Variants in WNT5A observed in about 807,000 individuals in gnomAD.
WNT5A encodes protein Wnt-5a.
Under a neutral mutation model 42.1 loss-of-function variants are expected in WNT5A, and 9 were observed. The ratio of observed to expected loss-of-function variants is 0.21; its 90% CI spans 0.13 to 0.37. The LOEUF (loss-of-function observed/expected upper bound fraction) is 0.37. WNT5A is among the 10% of genes least tolerant of loss of function. The pLI is 1.00. For missense variants in WNT5A, 426 were observed against 534.0 expected (o/e 0.80, Z 1.99); for synonymous variants, 210 against 210.0 (o/e 1.00, Z 0.00).
the WNT5A span, among the ~76,000 whole-genome samples, chr3:55,498,357 G>T: frequency 6.6e-6 from 1 of 152,172 alleles, no homozygotes; most frequent in Non-Finnish European, 1.5e-5. Flanking sequence ...AGTGGGGATG[G>T]TGAACTAAAT....
the WNT5A span, among the ~76,000 whole-genome samples, chr3:55,501,949 G>A: frequency 2.0e-5 from 3 of 152,164 alleles, no homozygotes; most frequent in African/African-American, 7.2e-5. Context: ...GGCAAGGTGA[G>A]GTTTTGGTGA....
chr3:55,468,316 C>T lies in WNT5A; in HGVS notation c.*1776G>A, dbSNP rs542514764. The stretch of plus-strand genomic sequence containing the variant: ...TATCTCTTAACGTCCATGTCTATAA[C>T]GAACAAGTAATGCCCTCTCCACAAA... On this transcript the variant is annotated 3_prime_UTR_variant, in exon 5 of 5. Transcript: ENST00000264634. 4 of 152,178 alleles carry T rather than the reference C, an allele frequency of 2.6e-5. No individual in the cohort carries two copies. The highest frequency in any genetic ancestry group is 3.9e-4 in the East Asian group (2 of 5,174). 9.4% of individuals were successfully genotyped at this position (152,178 alleles called of 1,614,324 possible). A position where few individuals can be genotyped will look rare whatever the true frequency, so the allele number is the denominator to read the frequency against.
At chr3:55,485,229 G>C (rs1345199339) in intron 1 of WNT5A, among the ~76,000 whole-genome samples, 1 of 130,178 alleles carries the variant, frequency 7.7e-6, no homozygotes, top group African/African-American at 2.8e-5. Context: ...CCAAGGAACC[G>C]AGGCTCGCAG....
chr3:55,486,670 G>C (rs1339048600), intron 1 of WNT5A, among the ~76,000 whole-genome samples: 1 of 152,242 alleles, frequency 6.6e-6, no homozygotes, highest in African/African-American at 2.4e-5. Flanking sequence ...GATGTTCTCA[G>C]AGCAAAAGGA....
chr3:55,479,231 T>A, intron 3 of WNT5A, 83 bp downstream of exon 3: 1 of 1,402,112 alleles, frequency 7.1e-7, no homozygotes, highest in Non-Finnish European at 9.3e-7. Flanking sequence ...TCATGCTTTC[T>A]ATCAAGCATG....
In WNT5A at chr3:55,470,857, G is replaced by C. The variant is rs558478125; in HGVS notation, c.685-307C>G. Reference sequence around the variant, plus strand: ...AGAGAAAGAGCAGCAGCAACATGTGGACACTCATCCCAGAGGTTGTTCACA... The same window carrying C: ...AGAGAAAGAGCAGCAGCAACATGTGCACACTCATCCCAGAGGTTGTTCACA... On this transcript the variant is annotated intron_variant, in intron 4 of 4. Coordinates refer to ENST00000264634, the MANE Select transcript of WNT5A (RefSeq NM_003392.7). 3.3e-5 allele frequency among the ~76,000 whole-genome samples: 5 copies of C among 152,222 alleles called. No individual in the cohort carries two copies. The East Asian group carries it at 9.7e-4, about 29-fold the overall frequency.
chr3:55,481,054 G>T, intron 1 of WNT5A, 136 bp from the exon 2 acceptor site: 5 of 988,322 alleles, frequency 5.1e-6, no homozygotes, highest in East Asian at 3.1e-5. Context: ...TGAGTTTTTT[G>T]ATGGCAAGAT....
chr3:55,470,615 C>A, intron 4 of WNT5A, 65 bp from the exon 5 acceptor site: 1 of 1,392,636 alleles, frequency 7.2e-7, no homozygotes, highest in East Asian at 2.5e-5. Flanking sequence ...GCTATAGGAA[C>A]AAAGTTCTCC....
rs775072555 is a variant in WNT5A, at chr3:55,470,107, C to G, written c.1128G>C (p.Gln376His). ...GTGGCACCCACTACTTGCACACAAA[C>G]TGGTCCACGATCTCCGTGCACTTCT... is the stretch of plus-strand genomic sequence containing the variant. ...KCKKCTEIVD[Q>H]FVCK Residue 376 changes from glutamine (Q) to histidine (H), a missense_variant, in exon 5 of 5, where the codon CAG (glutamine) becomes CAC (histidine). By Grantham distance (24) the Gln-to-His change is conservative (BLOSUM62 0). Transcript: ENST00000264634. The G allele has an allele frequency of 9.3e-6, 15 of 1,614,004 alleles. No individual in the cohort carries two copies. In the South Asian group the frequency reaches 1.5e-4, roughly 17 times the overall value.
the WNT5A span, chr3:55,501,813 C>T: frequency 2.0e-5 from 3 of 152,210 alleles, no homozygotes; most frequent in Non-Finnish European, 4.4e-5. Flanking sequence ...AATGACCCCT[C>T]TTGTCCAATT....
At chr3:55,478,949 C>G in intron 3 of WNT5A, 1 of 159,520 alleles carries the variant, frequency 6.3e-6, no homozygotes, top group Non-Finnish European at 1.4e-5. Context: ...AAAAAACTAA[C>G]AGGCAAGAGA....
rs2106945475 is a variant in WNT5A, at chr3:55,479,373, C to T, written c.332G>A (p.Arg111Gln). The change falls in exon 3 of 5, where the codon CGA becomes CAA. Residue 111 changes from arginine to glutamine, a missense_variant. Transcript: ENST00000264634. ...ATCCACAGTGCTGCAGTTCCACCTT[C>T]GATGTCGGAATTGATACTGGCATTC... is the stretch of plus-strand genomic sequence containing the variant. The part of the protein sequence containing the change: ...IKECQYQFRH[R>Q]RWNCSTVDNT... 1.2e-6 allele frequency: 2 copies of T among 1,613,676 alleles called. No individual in the cohort carries two copies. Among genetic ancestry groups the T allele is most frequent in the Non-Finnish European group, 8.5e-7 (1 of 1,179,662 alleles).
Position 55,474,498 on chromosome 3 carries a change from G to A in WNT5A, c.523C>T (p.Arg175Trp). The A allele has an allele frequency of 1.3e-6, 2 of 1,590,664 alleles. No homozygotes were observed. The highest frequency in any genetic ancestry group is 2.3e-5 in the East Asian group (1 of 43,470). Residue 175 changes from arginine (R) to tryptophan (W), a missense_variant, in exon 4 of 5, where the codon CGG becomes TGG. Arg to Trp is a moderately radical substitution (Grantham distance 101, BLOSUM62 -3). Transcript: ENST00000264634. ...CCGCAGCCGCCCCAGAGCCAGTCCCGCGGCAGGTCCTTGGGGCGCGCGGCG... is the reference window on the plus strand; with the variant it reads ...CCGCAGCCGCCCCAGAGCCAGTCCCACGGCAGGTCCTTGGGGCGCGCGGCG... ...SRAARPKDLP[R>W]DWLWGGCGDN...
At chr3:55,500,048 C>T in the WNT5A span, among the ~76,000 whole-genome samples, 1 of 151,806 alleles carries the variant, frequency 6.6e-6, no homozygotes, top group South Asian at 2.1e-4. Context: ...CAATTTATCC[C>T]ACAGTAAATA....
chr3:55,475,865 G>C (rs1241689192), intron 3 of WNT5A, among the ~76,000 whole-genome samples: 2 of 151,998 alleles, frequency 1.3e-5, no homozygotes, highest in Admixed American at 1.3e-4. Flanking sequence ...ACAAGAGCTA[G>C]TTAATAAAAG....
chr3:55,496,824 T>G, the WNT5A span, among the ~76,000 whole-genome samples: 1 of 152,232 alleles, frequency 6.6e-6, no homozygotes, highest in Admixed American at 6.5e-5. Flanking sequence ...AAGCAAATCA[T>G]AAATTTAGAG....
intron 4 of WNT5A, among the ~76,000 whole-genome samples, chr3:55,473,447 C>T (rs998340844): frequency 6.6e-6 from 1 of 152,144 alleles, no homozygotes; most frequent in Admixed American, 6.5e-5. Flanking sequence ...CCATAAAGTG[C>T]CATGTGTTTA....
rs1327664386 is a variant in WNT5A at position 55,468,994 on chromosome 3, C to A, written c.*1098G>T. The A allele has an allele frequency of 6.6e-6, 1 of 152,170 alleles. No individual in the cohort carries two copies. Among genetic ancestry groups the A allele is most frequent in the African/African-American group, 2.4e-5 (1 of 41,436 alleles). 9.4% of individuals were successfully genotyped at this position (152,170 alleles called of 1,614,324 possible). ...TTTCCTGTCCTACAACCAAAGGGGA[C>A]CCAGTGGAGCTGCCGTTTGGAAACG... is the stretch of plus-strand genomic sequence containing the variant. On this transcript the variant is annotated 3_prime_UTR_variant, in exon 5 of 5. Transcript: ENST00000264634.
intron 3 of WNT5A, among the ~76,000 whole-genome samples, chr3:55,475,697 T>C (rs1301128526): frequency 6.6e-6 from 1 of 152,066 alleles, no homozygotes; most frequent in Non-Finnish European, 1.5e-5. Context: ...GCACAACCTA[T>C]GGGGAAAAGA....
Sources: allele counts gnomAD v4.1 joint callset (sites outside exome capture counted in the v4.1 genomes callset), GRCh38; gene constraint gnomAD v4.1.1; transcripts MANE v1.5; gene names NCBI Gene and HGNC (gene_info 2026-07-23, HGNC 2026-07-21).